ABCA13: variants seen among roughly 807,000 people sequenced by gnomAD.
ABCA13 encodes ATP-binding cassette sub-family A member 13.
A neutral mutation model predicts 478.7 loss-of-function variants in ABCA13; 476 were observed. The observed-to-expected ratio is 0.99, with a 90% confidence interval of 0.92 to 1.07. The LOEUF is 1.07. Ranked by LOEUF, ABCA13 falls within the 50% of genes least tolerant of loss-of-function variation. The pLI is 0.00. For missense variants in ABCA13, 6,060 were observed against 5,910.6 expected (o/e 1.03, Z -0.83); for synonymous variants, 2,252 against 2,158.9 (o/e 1.04, Z -1.20).
At chr7:48,445,517 C>T (rs954634769) in intron 42 of ABCA13, among the ~76,000 whole-genome samples, 4 of 152,246 alleles carry the variant, frequency 2.6e-5, no homozygotes, top group Non-Finnish European at 5.9e-5. Flanking sequence ...ATCTTTACAA[C>T]AGCTCTTCTC....
intron 41 of ABCA13, among the ~76,000 whole-genome samples, chr7:48,421,073 G>A (rs978117344): frequency 6.6e-6 from 1 of 152,170 alleles, no homozygotes; most frequent in African/African-American, 2.4e-5. Flanking sequence ...GTGTCCCACT[G>A]CTCCTGGCTG....
Position 48,273,097 on chromosome 7 carries a change from T to C in ABCA13, c.3431T>C (p.Ile1144Thr), listed in dbSNP as rs1562931767. The C allele has an allele frequency of 1.2e-6, 2 of 1,613,724 alleles. No individual in the cohort carries two copies. The highest frequency in any genetic ancestry group is 1.7e-6 in the Non-Finnish European group (2 of 1,179,752). ...AGTGTGTTCAACAAGTTTATGTCCA[T>C]TCACTGTACCGTTTCATGGCTTCAA... ...NVSVFNKFMS[I>T]HCTVSWLQMW... The change falls in exon 17 of 62, where the codon ATT becomes ACT. Residue 1144 changes from isoleucine (I) to threonine (T), a missense_variant. Coordinates refer to ENST00000435803, the MANE Select transcript of ABCA13 (RefSeq NM_152701.5).
intron 15 of ABCA13, among the ~76,000 whole-genome samples, chr7:48,249,866 A>G (rs1311513912): frequency 6.6e-6 from 1 of 151,400 alleles, no homozygotes; most frequent in African/African-American, 2.4e-5. Flanking sequence ...CTCCATTGAC[A>G]CTAACTGGGT....
chr7:48,574,349 A>T (rs988693968), intron 55 of ABCA13, among the ~76,000 whole-genome samples: 1 of 152,134 alleles, frequency 6.6e-6, no homozygotes, highest in African/African-American at 2.4e-5. Context: ...TCACTGTTCA[A>T]TGGCCCTGAC....
At chr7:48,521,640 C>T (rs1336849227) in intron 53 of ABCA13, among the ~76,000 whole-genome samples, 1 of 152,042 alleles carries the variant, frequency 6.6e-6, no homozygotes, top group Non-Finnish European at 1.5e-5. Flanking sequence ...TAGGATCCCC[C>T]TTGGCAGATT....
intron 55 of ABCA13, among the ~76,000 whole-genome samples, chr7:48,547,174 TC>T (rs1784895079): frequency 6.6e-6 from 1 of 151,172 alleles, no homozygotes; most frequent in Non-Finnish European, 1.5e-5. Flanking sequence ...TATATTTTTT[TC>T]ATTCATTTCA....
chr7:48,224,406 C>A (rs1260918003), intron 5 of ABCA13, among the ~76,000 whole-genome samples: 1 of 152,152 alleles, frequency 6.6e-6, no homozygotes, highest in Admixed American at 6.5e-5. Flanking sequence ...TGGTTCAACT[C>A]TGGGCAGTAC....
chr7:48,244,758 T>A, intron 11 of ABCA13, 55 bp downstream of exon 11: 1 of 1,525,086 alleles, frequency 6.6e-7, no homozygotes, highest in Non-Finnish European at 8.8e-7. Context: ...AATGTGAAAT[T>A]TATTGGAAAA....
intron 43 of ABCA13, among the ~76,000 whole-genome samples, chr7:48,459,694 G>T (rs182672136): frequency 6.6e-6 from 1 of 152,064 alleles, no homozygotes; most frequent in African/African-American, 2.4e-5. Context: ...TGTACCTTTA[G>T]TTCCTGCCAA....
At chr7:48,237,552 A>G (rs998193162) in intron 8 of ABCA13, among the ~76,000 whole-genome samples, 13 of 152,210 alleles carry the variant, frequency 8.5e-5, no homozygotes, top group Non-Finnish European at 1.8e-4. Flanking sequence ...TCTCACTCTC[A>G]TAATCTGCAA....
At chr7:48,376,979 T>C (rs1813584824) in intron 35 of ABCA13, among the ~76,000 whole-genome samples, 2 of 152,094 alleles carry the variant, frequency 1.3e-5, no homozygotes, top group African/African-American at 4.8e-5. Flanking sequence ...GACCAAGCGC[T>C]CAGCCAGTGG....
At position 48,279,838 on chromosome 7, in the gene ABCA13, C is replaced by A. The variant is rs763159026; in HGVS notation, c.8644C>A (p.Pro2882Thr). The change falls in exon 18 of 62, where the codon CCA becomes ACA. Residue 2882 changes from proline to threonine, a missense_variant. This residue lies in a region of ABCA13 where 4,423 missense variants were observed against 4,309.1 expected (regional missense o/e 1.03). Transcript: ENST00000435803. ...GATTGACTTTCCTTATAGTTTCAAA[C>A]CATTTTTCTGTTTGGAGAAATACCT... Reference protein sequence around the residue: ...EMIDFPYSFKPFFCLEKYLGG... With the variant: ...EMIDFPYSFKTFFCLEKYLGG... 6 of 1,576,702 alleles carry A rather than the reference C, an allele frequency of 3.8e-6. No individual in the cohort carries two copies. Among genetic ancestry groups the A allele is most frequent in the Admixed American group, 1.9e-5 (1 of 52,056 alleles).
intron 58 of ABCA13, among the ~76,000 whole-genome samples, chr7:48,598,825 T>C (rs1265133957): frequency 6.6e-6 from 1 of 152,064 alleles, no homozygotes; most frequent in East Asian, 1.9e-4. Context: ...TTGGCTCTTA[T>C]ATTTAAGTCT....
At chr7:48,179,618 T>C (rs1795378864) in intron 1 of ABCA13, among the ~76,000 whole-genome samples, 1 of 152,116 alleles carries the variant, frequency 6.6e-6, no homozygotes, top group South Asian at 2.1e-4. Context: ...TCTTTAGGGA[T>C]GAGAGGGAAG....
At chr7:48,490,418 A>C (rs1199733737) in intron 48 of ABCA13, among the ~76,000 whole-genome samples, 1 of 152,244 alleles carries the variant, frequency 6.6e-6, no homozygotes, top group Non-Finnish European at 1.5e-5. Context: ...ATCGCCTATC[A>C]GCTGTGGCTC....
chr7:48,483,126 C>T lies in ABCA13; in HGVS notation c.13145C>T (p.Ala4382Val). The T allele has an allele frequency of 2.5e-6, 4 of 1,613,204 alleles. No homozygotes were observed. In the South Asian group the frequency reaches 3.3e-5, roughly 13 times the overall value. ...GLKIPSEAGGANGNISKPPTL... is the reference protein window; with the variant it reads ...GLKIPSEAGGVNGNISKPPTL... Reference sequence around the variant, plus strand: ...AAAATCCCCAGTGAAGCTGGAGGTGCAAATGGAAACATATCAAAACCCCCA... The same window carrying T: ...AAAATCCCCAGTGAAGCTGGAGGTGTAAATGGAAACATATCAAAACCCCCA... The change falls in exon 47 of 62, where the codon GCA (alanine) becomes GTA (valine). Residue 4382 changes from alanine (A) to valine (V), a missense_variant. Transcript: ENST00000435803.
chr7:48,374,805 G>T (rs1311897290), intron 34 of ABCA13, among the ~76,000 whole-genome samples: 1 of 152,170 alleles, frequency 6.6e-6, no homozygotes, highest in Non-Finnish European at 1.5e-5. Context: ...GTGGCCTGTT[G>T]GGAACTGAGC....
chr7:48,643,212 G>A, intron 59 of ABCA13, 76 bp from the exon 60 acceptor site: 1 of 941,358 alleles, frequency 1.1e-6, no homozygotes, highest in South Asian at 1.8e-5. Context: ...CTCCCTCTGT[G>A]TGAAAATGGA....
chr7:48,622,937 T>C (rs1005287531), intron 59 of ABCA13, among the ~76,000 whole-genome samples: 35 of 152,332 alleles, frequency 2.3e-4, no homozygotes, highest in African/African-American at 8.2e-4. Flanking sequence ...ATTCTGGTGC[T>C]ACTTTGCTCT....
Sources: gnomAD v4.1 joint callset for allele counts (sites outside exome capture counted in the v4.1 genomes callset) on GRCh38, gnomAD v4.1.1 for gene constraint, gnomAD v4.1.1 regional missense constraint, MANE v1.5 for transcripts, NCBI Gene and HGNC (gene_info 2026-07-23, HGNC 2026-07-21) for gene names.